The following ZNF423 variants were observed in gnomAD, a reference collection of about 807,000 sequenced individuals.
ZNF423 encodes the protein Ebf-associated zinc finger protein.
A neutral mutation model predicts 95.8 loss-of-function variants in ZNF423; 12 were observed. That is an observed-to-expected ratio of 0.13 (90% confidence interval 0.08 to 0.20). ZNF423 has a LOEUF of 0.20. Ranked by LOEUF, ZNF423 falls within the 10% of genes least tolerant of loss-of-function variation. The probability of loss-of-function intolerance (pLI) is 1.00; values close to 1 mark genes in which losing one functional copy is unlikely to be tolerated. For missense variants in ZNF423, 1,316 were observed against 1,737.1 expected, an observed-to-expected ratio of 0.76 and a Z score of 4.31; for synonymous variants, 749 against 711.9, an observed-to-expected ratio of 1.05 and a Z score of -0.83.
intron 1 of ZNF423, among the ~76,000 whole-genome samples, chr16:49,819,346 A>G (rs1194244186): frequency 6.6e-5 from 10 of 152,060 alleles, no homozygotes; most frequent in Admixed American, 5.9e-4. Flanking sequence ...CATATTGGAC[A>G]GTACAGATAT....
At chr16:49,746,244 T>A (rs536609101) in intron 2 of ZNF423, among the ~76,000 whole-genome samples, 1 of 152,240 alleles carries the variant, frequency 6.6e-6, no homozygotes, top group African/African-American at 2.4e-5. Context: ...GTTAAAGGAA[T>A]CACCTGGCCA....
chr16:49,730,844 G>A lies in ZNF423; in HGVS notation c.228C>T (p.Thr76=). 6.2e-7 allele frequency: 1 copy of A among 1,614,128 alleles called. No individual in the cohort carries two copies. The highest frequency in any genetic ancestry group is 8.5e-7 in the Non-Finnish European group (1 of 1,180,038). ...CGAAGTCCTGCTGACAGTGATCGCA[G>A]GTGTAAATTGATTCATCCTCCATGT... ...DEDMEDESIY[T]CDHCQQDFES... is the part of the protein sequence containing the mutation. Residue 76 remains threonine, a synonymous_variant, in exon 3 of 8, where the codon ACC becomes ACT. Coordinates refer to ENST00000563137, the MANE Select transcript of ZNF423 (RefSeq NM_001379286.1).
chr16:49,582,276 T>C (rs1970698433), intron 5 of ZNF423, among the ~76,000 whole-genome samples: 1 of 152,204 alleles, frequency 6.6e-6, no homozygotes, highest in Admixed American at 6.5e-5. Context: ...CTTCCTTCCA[T>C]ATTGCAGACA....
chr16:49,502,556 G>C (rs1348814348), intron 7 of ZNF423, among the ~76,000 whole-genome samples: 1 of 151,950 alleles, frequency 6.6e-6, no homozygotes, highest in East Asian at 1.9e-4. Context: ...GCCAGAGTTT[G>C]CCACATGACC....
At chr16:49,776,454 G>C (rs1005283998) in intron 2 of ZNF423, among the ~76,000 whole-genome samples, 2 of 152,208 alleles carry the variant, frequency 1.3e-5, no homozygotes, top group East Asian at 3.9e-4. Context: ...GGGAGGGAAG[G>C]AGGCCATTGT....
chr16:49,770,187 T>C (rs2034007278), intron 2 of ZNF423, among the ~76,000 whole-genome samples: 1 of 135,182 alleles, frequency 7.4e-6, no homozygotes, highest in South Asian at 2.6e-4. Flanking sequence ...ACTGAAAGAA[T>C]GAATAAAAGA....
intron 5 of ZNF423, among the ~76,000 whole-genome samples, chr16:49,529,929 G>A (rs1055456293): frequency 6.6e-6 from 1 of 152,110 alleles, no homozygotes; most frequent in Non-Finnish European, 1.5e-5. Context: ...GCTGACCCCA[G>A]AGTGGCATCA....
intron 3 of ZNF423, among the ~76,000 whole-genome samples, chr16:49,639,206 G>A (rs1972883157): frequency 6.6e-6 from 1 of 152,200 alleles, no homozygotes; most frequent in South Asian, 2.1e-4. Flanking sequence ...CCTGGACAAA[G>A]TCACTGGAAA....
chr16:49,825,087 T>C (rs772789702), intron 1 of ZNF423, among the ~76,000 whole-genome samples: 1 of 152,228 alleles, frequency 6.6e-6, no homozygotes. Flanking sequence ...AGAGAACCAC[T>C]TATGCATTAC....
At chr16:49,697,325 T>C (rs1399452056) in intron 3 of ZNF423, among the ~76,000 whole-genome samples, 1 of 152,146 alleles carries the variant, frequency 6.6e-6, no homozygotes, top group Non-Finnish European at 1.5e-5. Context: ...CCAGGAATCC[T>C]GTGCAAGGGA....
chr16:49,728,008 TA>T (rs1259611073), intron 3 of ZNF423, among the ~76,000 whole-genome samples: 2 of 152,144 alleles, frequency 1.3e-5, no homozygotes, highest in Non-Finnish European at 2.9e-5. Flanking sequence ...GCCCCAGGTA[TA>T]AAACAGACTT....
intron 5 of ZNF423, among the ~76,000 whole-genome samples, chr16:49,570,593 A>G (rs1459584734): frequency 6.6e-6 from 1 of 152,204 alleles, no homozygotes; most frequent in Non-Finnish European, 1.5e-5. Flanking sequence ...CAGTATGCTT[A>G]ATTACCACAA....
intron 5 of ZNF423, among the ~76,000 whole-genome samples, chr16:49,571,165 T>G (rs754490904): frequency 6.6e-6 from 1 of 152,216 alleles, no homozygotes; most frequent in Non-Finnish European, 1.5e-5. Context: ...GCCGTCCATT[T>G]ATTCATTCAA....
intron 3 of ZNF423, among the ~76,000 whole-genome samples, chr16:49,671,283 G>A (rs1329633418): frequency 6.6e-6 from 1 of 152,208 alleles, no homozygotes; most frequent in African/African-American, 2.4e-5. Context: ...TGTGAAGGGG[G>A]TCCCCTCTGA....
rs1491472183 is a variant in ZNF423, at chr16:49,800,574, TGA to T, written c.41-11030_41-11029del. Among the ~76,000 whole-genome samples, 164 of 120,396 alleles carry T rather than the reference TGA, an allele frequency of 1.4e-3. 2 individuals carry two copies. The highest frequency in any genetic ancestry group is 4.9e-3 in the African/African-American group (157 of 32,338). The allele number at this position is 120,396 out of a possible 152,430, so 79.0% of individuals were successfully genotyped here. A position where few individuals can be genotyped will look rare whatever the true frequency, so the allele number is the denominator to read the frequency against. ...GAACTTCCCTGCAAGCACCTGGACA[TGA>T]CACACACACACACACACACACACTC... On this transcript the variant is annotated intron_variant, in intron 1 of 7. Transcript: ENST00000563137.
intron 5 of ZNF423, among the ~76,000 whole-genome samples, chr16:49,560,777 C>T (rs912282889): frequency 6.6e-6 from 1 of 152,180 alleles, no homozygotes; most frequent in African/African-American, 2.4e-5. Flanking sequence ...AAAACCGAGG[C>T]GAGTCGGCCG....
chr16:49,644,658 CAAAAAAAAAAAAAAA>C (rs56066766), intron 3 of ZNF423, among the ~76,000 whole-genome samples: 57 of 39,572 alleles, frequency 1.4e-3, no homozygotes, highest in East Asian at 2.5e-3. Context: ...AACTCTGACT[CAAAAAAAAAAAAAAA>C]AAAAAAAAAA....
At chr16:49,782,230 C>T (rs1020571585) in intron 2 of ZNF423, among the ~76,000 whole-genome samples, 3 of 152,258 alleles carry the variant, frequency 2.0e-5, no homozygotes, top group African/African-American at 2.4e-5. Context: ...ACTTTCTCAC[C>T]GGCATGTCTG....
chr16:49,777,260 C>T (rs1291078532), intron 2 of ZNF423, among the ~76,000 whole-genome samples: 6 of 152,146 alleles, frequency 3.9e-5, no homozygotes, highest in South Asian at 4.1e-4. Context: ...TGTGCACATA[C>T]GTGTGTGTTT....
Sources: gnomAD v4.1 joint callset for allele counts (sites outside exome capture counted in the v4.1 genomes callset) on GRCh38, gnomAD v4.1.1 for gene constraint, MANE v1.5 for transcripts, NCBI Gene and HGNC (gene_info 2026-07-23, HGNC 2026-07-21) for gene names.